The following GOLPH3 variants were observed in gnomAD, a reference collection of about 807,000 sequenced individuals.
The protein encoded by GOLPH3 is coat protein GPP34.
Under a neutral mutation model 28.5 loss-of-function variants are expected in GOLPH3, and 14 were observed. The observed-to-expected ratio is 0.49, with a 90% CI of 0.32 to 0.77. The LOEUF is 0.77. Ranked by LOEUF, GOLPH3 falls within the 30% of genes least tolerant of loss-of-function variation. The pLI is 0.03. For missense variants in GOLPH3, 350 were observed against 393.7 expected, an observed-to-expected ratio of 0.89 and a Z score of 0.94; for synonymous variants, 158 against 159.2, an observed-to-expected ratio of 0.99 and a Z score of 0.06.
At chr5:32,128,276 C>T (rs1050003054) in intron 3 of GOLPH3, among the ~76,000 whole-genome samples, 1 of 152,162 alleles carries the variant, frequency 6.6e-6, no homozygotes, top group African/African-American at 2.4e-5. Flanking sequence ...AAAACCAGGA[C>T]ATTCAGAAGG....
chr5:32,125,668 C>A lies in GOLPH3; in HGVS notation c.*544G>T, dbSNP rs1195305489. On this transcript the variant is annotated 3_prime_UTR_variant, in exon 4 of 4. Transcript: ENST00000265070. The stretch of plus-strand genomic sequence containing the variant: ...TAATACAATAGATTTACATGGGAAG[C>A]AAAATCCAAGGGACATTTTATATTA... 2 of 152,712 alleles carry A rather than the reference C, an allele frequency of 1.3e-5. No individual in the cohort carries two copies. Among genetic ancestry groups the A allele is most frequent in the African/African-American group, 4.8e-5 (2 of 41,438 alleles). 9.5% of individuals were successfully genotyped at this position (152,712 alleles called of 1,614,324 possible). A position where few individuals can be genotyped will look rare whatever the true frequency, so the allele number is the denominator to read the frequency against.
intron 2 of GOLPH3, among the ~76,000 whole-genome samples, chr5:32,139,305 A>ATGTG (rs1434426769): frequency 1.3e-5 from 2 of 152,214 alleles, no homozygotes; most frequent in African/African-American, 4.8e-5. Flanking sequence ...ATAGAAGAGG[A>ATGTG]TGTGCATAGG....
At chr5:32,160,055 T>C (rs1002205246) in intron 1 of GOLPH3, among the ~76,000 whole-genome samples, 1 of 152,176 alleles carries the variant, frequency 6.6e-6, no homozygotes, top group Non-Finnish European at 1.5e-5. Flanking sequence ...GGCATAATGC[T>C]GCATAAAGCA....
At chr5:32,147,786 CTA>C (rs1172118736) in intron 1 of GOLPH3, among the ~76,000 whole-genome samples, 2 of 152,098 alleles carry the variant, frequency 1.3e-5, no homozygotes, top group Non-Finnish European at 2.9e-5. Context: ...ATGAAAATAA[CTA>C]TGAACCACAA....
chr5:32,170,553 G>T (rs1746809560), intron 1 of GOLPH3, among the ~76,000 whole-genome samples: 1 of 152,150 alleles, frequency 6.6e-6, no homozygotes, highest in Non-Finnish European at 1.5e-5. Flanking sequence ...AGCAATTCCT[G>T]CCTCCTAAAA....
chr5:32,161,994 TC>T (rs1046671064), intron 1 of GOLPH3, among the ~76,000 whole-genome samples: 6 of 149,858 alleles, frequency 4.0e-5, no homozygotes, highest in African/African-American at 1.5e-4. Flanking sequence ...ACAACTGCAC[TC>T]CAGCCTGGGC....
intron 1 of GOLPH3, among the ~76,000 whole-genome samples, chr5:32,144,206 C>A (rs1034575846): frequency 6.6e-6 from 1 of 152,102 alleles, no homozygotes; most frequent in Non-Finnish European, 1.5e-5. Context: ...CTCAGTTAAC[C>A]CCAGATTATA....
intron 2 of GOLPH3, among the ~76,000 whole-genome samples, chr5:32,141,454 T>C (rs1286175964): frequency 6.6e-6 from 1 of 152,198 alleles, no homozygotes; most frequent in Non-Finnish European, 1.5e-5. Flanking sequence ...AACAGACAGG[T>C]ATCTGAAAAG....
At chr5:32,130,730 T>C (rs1745810025) in intron 3 of GOLPH3, among the ~76,000 whole-genome samples, 1 of 152,108 alleles carries the variant, frequency 6.6e-6, no homozygotes, top group African/African-American at 2.4e-5. Flanking sequence ...TATACACACA[T>C]CCCTCTAATG....
chr5:32,169,053 C>T (rs1358408480), intron 1 of GOLPH3, among the ~76,000 whole-genome samples: 1 of 151,974 alleles, frequency 6.6e-6, no homozygotes, highest in Non-Finnish European at 1.5e-5. Flanking sequence ...GCGGGAGGAT[C>T]ACTTGATCCC....
In GOLPH3 at chr5:32,126,258, T is replaced by C. The variant is rs981001607; in HGVS notation, c.851A>G (p.Asn284Ser). Reference sequence around the variant, plus strand: ...CACCGCCCACAGAACCTCATTGGTGTTGGCCTTCAGACATTCCACTTCAGG... The same window carrying C: ...CACCGCCCACAGAACCTCATTGGTGCTGGCCTTCAGACATTCCACTTCAGG... ...LDPEVECLKA[N>S]TNEVLWAVVA... is the part of the protein sequence containing the mutation. The change falls in exon 4 of 4, where the codon AAC becomes AGC. Residue 284 changes from asparagine to serine, a missense_variant. Coordinates refer to ENST00000265070, the MANE Select transcript of GOLPH3 (RefSeq NM_022130.4). The C allele has an allele frequency of 6.2e-7, 1 of 1,614,134 alleles. No homozygotes were observed. Among genetic ancestry groups the C allele is most frequent in the Non-Finnish European group, 8.5e-7 (1 of 1,179,994 alleles).
chr5:32,126,223 A>ACGC lies in GOLPH3; in HGVS notation c.883_885dup (p.Ala295dup). The ACGC allele has an allele frequency of 6.2e-7, 1 of 1,609,408 alleles. No individual in the cohort carries two copies. Among genetic ancestry groups the ACGC allele is most frequent in the East Asian group, 2.2e-5 (1 of 44,742 alleles). On this transcript the variant is annotated inframe_insertion, in exon 4 of 4. Transcript: ENST00000265070. ...CACCCCGAGCAGAGTTACTTGGTGA[A>ACGC]CGCCGCCACCACCGCCCACAGAACC...
intron 1 of GOLPH3, among the ~76,000 whole-genome samples, chr5:32,145,958 C>T (rs564973470): frequency 6.6e-6 from 1 of 152,206 alleles, no homozygotes; most frequent in East Asian, 1.9e-4. Context: ...TGTTGATACC[C>T]TCCTGCTAAA....
chr5:32,153,931 T>G (rs1368777225), intron 1 of GOLPH3, among the ~76,000 whole-genome samples: 3 of 152,164 alleles, frequency 2.0e-5, no homozygotes, highest in Admixed American at 2.0e-4. Flanking sequence ...AATGACTGAT[T>G]ATAAGTCTGA....
chr5:32,141,534 T>C (rs974314216), intron 2 of GOLPH3, among the ~76,000 whole-genome samples: 3 of 152,216 alleles, frequency 2.0e-5, no homozygotes, highest in South Asian at 4.1e-4. Flanking sequence ...GAGTTTTTAA[T>C]GTCAAGTCTT....
chr5:32,149,212 G>C (rs1180556026), intron 1 of GOLPH3, among the ~76,000 whole-genome samples: 1 of 152,224 alleles, frequency 6.6e-6, no homozygotes, highest in East Asian at 1.9e-4. Context: ...AGAAATGAGA[G>C]AGGATGCAAT....
intron 1 of GOLPH3, among the ~76,000 whole-genome samples, chr5:32,157,672 A>C (rs1746459859): frequency 6.6e-6 from 1 of 152,144 alleles, no homozygotes; most frequent in Non-Finnish European, 1.5e-5. Flanking sequence ...CTCCAACTTA[A>C]ACTAAACCTT....
intron 1 of GOLPH3, among the ~76,000 whole-genome samples, chr5:32,161,646 C>A (rs547412328): frequency 3.5e-4 from 53 of 151,288 alleles, no homozygotes; most frequent in Non-Finnish European, 2.1e-4. Context: ...GCTACTGATA[C>A]GTCTGGAGGC....
At chr5:32,148,222 G>A (rs1056726025) in intron 1 of GOLPH3, among the ~76,000 whole-genome samples, 1 of 152,098 alleles carries the variant, frequency 6.6e-6, no homozygotes, top group Non-Finnish European at 1.5e-5. Context: ...AGAAACGTCC[G>A]TTTCTATATA....
Sources: gnomAD v4.1 joint callset for allele counts (sites outside exome capture counted in the v4.1 genomes callset) on GRCh38, gnomAD v4.1.1 for gene constraint, MANE v1.5 for transcripts, NCBI Gene and HGNC (gene_info 2026-07-23, HGNC 2026-07-21) for gene names.